TTC7A: variants seen among roughly 807,000 people sequenced by gnomAD.
TTC7A encodes tetratricopeptide repeat protein 7A.
TTC7A carries 110 observed loss-of-function variants against 103.7 expected under a neutral mutation model. The observed-to-expected ratio is 1.06, with a 90% CI of 0.91 to 1.24. TTC7A has a LOEUF of 1.24. Ranked by LOEUF, TTC7A falls within the 50% of genes most tolerant of loss-of-function variation. The pLI is 0.00. For missense variants in TTC7A, 1,340 were observed against 1,116.3 expected (o/e 1.20, Z -2.86); for synonymous variants, 521 against 467.9 (o/e 1.11, Z -1.47).
intron 11 of TTC7A, among the ~76,000 whole-genome samples, chr2:47,020,641 C>T (rs1053879880): frequency 9.2e-5 from 14 of 152,256 alleles, no homozygotes; most frequent in African/African-American, 3.4e-4. Context: ...CAGCCTCTCC[C>T]GCCGTCTCCC....
intron 18 of TTC7A, 51 bp downstream of exon 18, chr2:47,051,931 T>C (rs2104733591): frequency 1.3e-6 from 2 of 1,560,978 alleles, no homozygotes; most frequent in East Asian, 4.7e-5. Context: ...AGGCCACCCA[T>C]GCTCTCAGAG....
intron 2 of TTC7A, among the ~76,000 whole-genome samples, chr2:46,930,828 A>G (rs1289650675): frequency 1.3e-5 from 2 of 152,202 alleles, no homozygotes; most frequent in Non-Finnish European, 2.9e-5. Context: ...AAAGAAATCC[A>G]ATCAGTAATT....
intron 13 of TTC7A, 77 bp downstream of exon 13, chr2:47,023,542 C>T: frequency 7.1e-7 from 1 of 1,407,438 alleles, no homozygotes; most frequent in Non-Finnish European, 1.0e-6. Context: ...TCATCAGACC[C>T]TCTGATGTGG....
chr2:47,049,772 G>A (rs1490464888), intron 16 of TTC7A, among the ~76,000 whole-genome samples, 177 bp from the exon 17 acceptor site: 4 of 152,124 alleles, frequency 2.6e-5, no homozygotes, highest in Non-Finnish European at 5.9e-5. Flanking sequence ...TGCCTCTCTA[G>A]TGATGTTGGT....
intron 17 of TTC7A, 115 bp from the exon 18 acceptor site, chr2:47,051,631 C>G: frequency 7.2e-7 from 1 of 1,395,978 alleles, no homozygotes; most frequent in Non-Finnish European, 9.6e-7. Flanking sequence ...GCCGCACCAC[C>G]CTACCCTGAT....
chr2:47,037,638 T>C (rs1368743346), intron 15 of TTC7A, among the ~76,000 whole-genome samples: 2 of 152,184 alleles, frequency 1.3e-5, no homozygotes, highest in Non-Finnish European at 2.9e-5. Context: ...TCAATAACAA[T>C]AACAATGATG....
At chr2:46,967,504 A>G (rs1672966311) in intron 3 of TTC7A, among the ~76,000 whole-genome samples, 1 of 152,198 alleles carries the variant, frequency 6.6e-6, no homozygotes, top group African/African-American at 2.4e-5. Flanking sequence ...GGAATCATAC[A>G]GTATTTGCCT....
intron 19 of TTC7A, among the ~76,000 whole-genome samples, chr2:47,072,034 C>T (rs534290977): frequency 1.3e-5 from 2 of 152,268 alleles, no homozygotes; most frequent in South Asian, 2.1e-4. Flanking sequence ...GGCGGCCCGT[C>T]GGCTGGCCTC....
At chr2:47,029,465 T>C in intron 15 of TTC7A, 81 bp downstream of exon 15, 2 of 1,498,788 alleles carry the variant, frequency 1.3e-6, no homozygotes, top group Non-Finnish European at 9.2e-7. Flanking sequence ...TGCCCTGCCA[T>C]GGTGTCAGCC....
In TTC7A at chr2:47,011,327, G is replaced by A. The variant is rs758223684; in HGVS notation, c.1288-4G>A. On this transcript the variant is annotated splice_polypyrimidine_tract_variant and splice_region_variant and intron_variant, in intron 10 of 19. Transcript: ENST00000319190. ...ACAGTGTTTCCTGCTCTTTTTTTCT[G>A]CAGTCAGCCTACGCTGTGTCCCTGC... is the stretch of plus-strand genomic sequence containing the variant. 1.2e-6 allele frequency: 2 copies of A among 1,609,836 alleles called. No homozygotes were observed. Among genetic ancestry groups the A allele is most frequent in the Non-Finnish European group, 1.7e-6 (2 of 1,178,520 alleles).
chr2:46,941,750 G>A lies in TTC7A; in HGVS notation c.184+25G>A. 3 of 1,547,224 alleles carry A rather than the reference G, an allele frequency of 1.9e-6. No homozygotes were observed. The highest frequency in any genetic ancestry group is 2.6e-6 in the Non-Finnish European group (3 of 1,145,676). On this transcript the variant is annotated intron_variant, in intron 1 of 19. Transcript: ENST00000319190. This position sits in a 1 kb window ranked among gnomAD's most constrained non-coding sequence, Gnocchi z 4.2. ...GGTGAGTAAGGGAAGAGGCTGGCTCGCCGGCAGCGAGCGCGCGAAACGCAC... is the reference window on the plus strand; with the variant it reads ...GGTGAGTAAGGGAAGAGGCTGGCTCACCGGCAGCGAGCGCGCGAAACGCAC...
chr2:46,947,720 A>T (rs1429996953), intron 1 of TTC7A, among the ~76,000 whole-genome samples: 1 of 152,216 alleles, frequency 6.6e-6, no homozygotes, highest in Non-Finnish European at 1.5e-5. Flanking sequence ...CTGAAAATAA[A>T]TTCCCAATCT....
chr2:46,955,205 A>G (rs1403337515), intron 2 of TTC7A, among the ~76,000 whole-genome samples: 1 of 151,276 alleles, frequency 6.6e-6, no homozygotes, highest in East Asian at 1.9e-4. Flanking sequence ...TCCCTCACCC[A>G]CGAGGAAGAC....
rs543037655 is a variant in TTC7A at position 46,983,435 on chromosome 2, C to A, written c.764+4528C>A. 6.7e-4 allele frequency among the ~76,000 whole-genome samples: 102 copies of A among 152,332 alleles called. 1 individual carries two copies. In the South Asian group the frequency reaches 0.021, roughly 31 times the overall value. On this transcript the variant is annotated intron_variant, in intron 5 of 19. Coordinates refer to ENST00000319190, the MANE Select transcript of TTC7A (RefSeq NM_020458.4). Reference sequence around the variant, plus strand: ...CCCGGCAGTTGAAGCTGGAGATCACCACTCCCCCACGGCTGCTGCTTGGAG... The same window carrying A: ...CCCGGCAGTTGAAGCTGGAGATCACAACTCCCCCACGGCTGCTGCTTGGAG...
chr2:47,069,347 C>A (rs772751216), intron 19 of TTC7A, among the ~76,000 whole-genome samples: 14 of 152,176 alleles, frequency 9.2e-5, no homozygotes, highest in Non-Finnish European at 1.8e-4. Flanking sequence ...GCTGAAGAGG[C>A]CTACTGGTGT....
intron 11 of TTC7A, among the ~76,000 whole-genome samples, chr2:47,019,020 G>C (rs999923582): frequency 1.3e-5 from 2 of 152,180 alleles, no homozygotes; most frequent in African/African-American, 4.8e-5. Flanking sequence ...TAGTAACTCA[G>C]AACAGAGATG....
Position 47,073,979 on chromosome 2 carries a change from C to G in TTC7A, c.*56C>G. On this transcript the variant is annotated 3_prime_UTR_variant, in exon 20 of 20. Coordinates refer to ENST00000319190, the MANE Select transcript of TTC7A (RefSeq NM_020458.4). ...GGCCAGAGGGAGAGGCAGCAGGGAA[C>G]GTGGGTCAGGGTGGGGCAACAGTGG... The G allele has an allele frequency of 6.7e-7, 1 of 1,481,576 alleles. No individual in the cohort carries two copies. Among genetic ancestry groups the G allele is most frequent in the South Asian group, 1.2e-5 (1 of 84,572 alleles). 91.8% of individuals were successfully genotyped at this position (1,481,576 alleles called of 1,614,324 possible). A position where few individuals can be genotyped will look rare whatever the true frequency, so the allele number is the denominator to read the frequency against.
intron 15 of TTC7A, among the ~76,000 whole-genome samples, chr2:47,031,570 A>C (rs1176150475): frequency 1.3e-5 from 2 of 152,224 alleles, no homozygotes; most frequent in East Asian, 3.9e-4. Context: ...GAGAAGCAAG[A>C]GGCCTGCCTC....
chr2:46,945,514 C>G (rs984332016), intron 1 of TTC7A, among the ~76,000 whole-genome samples: 5 of 152,240 alleles, frequency 3.3e-5, no homozygotes, highest in African/African-American at 1.2e-4. Context: ...TCCCGAAGTG[C>G]TGGGATTACG....
Sources: allele counts gnomAD v4.1 joint callset (sites outside exome capture counted in the v4.1 genomes callset), GRCh38; gene constraint gnomAD v4.1.1; non-coding constraint Gnocchi (gnomAD v3.1); transcripts MANE v1.5; gene names NCBI Gene and HGNC (gene_info 2026-07-23, HGNC 2026-07-21).